Variants in SLC25A36 observed in about 807,000 individuals in gnomAD.
SLC25A36 encodes epididymis secretory sperm binding protein.
In SLC25A36, 24 loss-of-function variants were observed where a neutral mutation model predicts 35.3. The observed-to-expected ratio is 0.68, with a 90% CI of 0.49 to 0.96. The LOEUF is 0.96. SLC25A36 is among the 40% of genes least tolerant of loss of function. The pLI is 0.00. For missense variants in SLC25A36, 294 were observed against 381.1 expected, an observed-to-expected ratio of 0.77 and a Z score of 1.90; for synonymous variants, 141 against 132.2, an observed-to-expected ratio of 1.07 and a Z score of -0.46.
intron 5 of SLC25A36, chr3:140,972,798 A>G (rs953646272): frequency 3.3e-5 from 5 of 152,202 alleles, no homozygotes; most frequent in African/African-American, 7.2e-5. Context: ...CAATCCATTC[A>G]TAAAACTGGT....
In SLC25A36 at chr3:140,973,914, A is replaced by C. The variant is rs772045480; in HGVS notation, c.651A>C (p.Glu217Asp). The change falls in exon 6 of 7, where the codon GAA becomes GAC. Residue 217 changes from glutamate (E) to aspartate (D), a missense_variant. Physicochemically the swap from Glu to Asp is conservative, Grantham distance 45. Transcript: ENST00000324194. The part of the protein sequence containing the change: ...YKTASTMEND[E>D]ESVKEASDFV... The stretch of plus-strand genomic sequence containing the variant: ...CTGCTTCTACAATGGAAAATGATGA[A>C]GAGTCTGTGAAAGAAGCATCAGATT... 1 of 1,612,584 alleles carries C rather than the reference A, an allele frequency of 6.2e-7. No homozygotes were observed. The highest frequency in any genetic ancestry group is 8.5e-7 in the Non-Finnish European group (1 of 1,179,056).
chr3:140,967,792 T>C (rs1934800249), intron 4 of SLC25A36, among the ~76,000 whole-genome samples: 1 of 151,960 alleles, frequency 6.6e-6, no homozygotes. Flanking sequence ...ACCATCCTAC[T>C]AAGAGTATGG....
At position 140,942,016 on chromosome 3, in the gene SLC25A36, C is replaced by T. The variant is rs1344340353; in HGVS notation, c.-39C>T. ...CTGCCGTAGCGGGCGGCCAGATCCGCGTCCCGCCTCAGCGGCCGGAGGACA... is the reference window on the plus strand; with the variant it reads ...CTGCCGTAGCGGGCGGCCAGATCCGTGTCCCGCCTCAGCGGCCGGAGGACA... On this transcript the variant is annotated 5_prime_UTR_variant, in exon 1 of 7. Coordinates refer to ENST00000324194, the MANE Select transcript of SLC25A36 (RefSeq NM_001104647.3). 9 of 1,239,046 alleles carry T rather than the reference C, an allele frequency of 7.3e-6. No individual in the cohort carries two copies. In the South Asian group the frequency reaches 1.2e-4, roughly 16 times the overall value. The allele number at this position is 1,239,046 out of a possible 1,614,324, so 76.8% of individuals were successfully genotyped here. A position where few individuals can be genotyped will look rare whatever the true frequency, so the allele number is the denominator to read the frequency against.
At chr3:140,968,626 A>T in intron 4 of SLC25A36, 1 of 955,818 alleles carries the variant, frequency 1.0e-6, no homozygotes, top group Non-Finnish European at 1.2e-6. Context: ...TCCTAACAAC[A>T]TTTATAAAAA....
At position 140,963,171 on chromosome 3, in the gene SLC25A36, A is replaced by G. The variant is rs1296628190; in HGVS notation, c.329A>G (p.Asn110Ser). Residue 110 changes from asparagine (N) to serine (S), a missense_variant, in exon 4 of 7, where the codon AAT (asparagine) becomes AGT (serine). Asn to Ser is a conservative substitution (Grantham distance 46, BLOSUM62 1). Around this residue, in one of 2 missense-constraint regions of SLC25A36, gnomAD observed 185 missense variants for 201.5 expected, o/e 0.92. Coordinates refer to ENST00000324194, the MANE Select transcript of SLC25A36 (RefSeq NM_001104647.3). ...TATTCAAACTGCAAGGAAAAGTTGA[A>G]TGATGTATTTGATCCTGATTCTACC... ...AAYSNCKEKLNDVFDPDSTQV... is the reference protein window; with the variant it reads ...AAYSNCKEKLSDVFDPDSTQV... 1 of 1,597,784 alleles carries G rather than the reference A, an allele frequency of 6.3e-7. No homozygotes were observed. The highest frequency in any genetic ancestry group is 8.5e-7 in the Non-Finnish European group (1 of 1,176,108).
intron 6 of SLC25A36, among the ~76,000 whole-genome samples, chr3:140,975,202 G>C (rs947346365): frequency 1.5e-5 from 2 of 132,130 alleles, no homozygotes; most frequent in African/African-American, 5.6e-5. Context: ...TGAACTCCAA[G>C]GCTCAATTAA....
intron 4 of SLC25A36, chr3:140,964,330 G>T (rs1039498291): frequency 2.6e-5 from 4 of 151,824 alleles, no homozygotes; most frequent in African/African-American, 9.7e-5. Context: ...AACTGGAAGG[G>T]ACAATCCAAA....
intron 3 of SLC25A36, among the ~76,000 whole-genome samples, chr3:140,960,572 T>C (rs1414695456): frequency 3.9e-5 from 6 of 152,114 alleles, no homozygotes; most frequent in Non-Finnish European, 5.9e-5. Context: ...ACCTGAGAAT[T>C]TGTGTATCGT....
chr3:140,964,878 G>A (rs1934720591), intron 4 of SLC25A36: 1 of 151,698 alleles, frequency 6.6e-6, no homozygotes, highest in Non-Finnish European at 1.5e-5. Context: ...TACTGTATTT[G>A]TATCACATTG....
At chr3:140,945,271 C>T (rs1568337) in intron 1 of SLC25A36, among the ~76,000 whole-genome samples, 44,119 of 152,068 alleles carry the variant, frequency 0.29, 11,295 homozygotes, top group African/African-American at 0.69. Context: ...ACCTTGAAAG[C>T]GTCTACCTCC....
chr3:140,955,364 A>T (rs1169353760), intron 1 of SLC25A36, among the ~76,000 whole-genome samples: 1 of 152,042 alleles, frequency 6.6e-6, no homozygotes. Context: ...AACCTGACTC[A>T]ACTAGCTTTT....
chr3:140,958,660 GA>G (rs1264963725), intron 2 of SLC25A36, among the ~76,000 whole-genome samples: 1 of 152,156 alleles, frequency 6.6e-6, no homozygotes, highest in East Asian at 1.9e-4. Context: ...ATGGAATGGG[GA>G]TGAGATAATA....
intron 6 of SLC25A36, among the ~76,000 whole-genome samples, chr3:140,974,737 T>G (rs941684208): frequency 6.6e-6 from 1 of 152,158 alleles, no homozygotes; most frequent in African/African-American, 2.4e-5. Context: ...ATGTAAGCGC[T>G]TCATTTTTGT....
chr3:140,952,009 T>C (rs1934339620), intron 1 of SLC25A36, among the ~76,000 whole-genome samples: 1 of 148,904 alleles, frequency 6.7e-6, no homozygotes, highest in African/African-American at 2.5e-5. Context: ...GTTTTTTCCT[T>C]TCTTTCTCTC....
intron 3 of SLC25A36, 101 bp downstream of exon 3, chr3:140,959,641 G>T (rs1020830651): frequency 3.9e-6 from 2 of 511,706 alleles, no homozygotes. Context: ...ATTTATAAAT[G>T]TAGTATTCAA....
intron 4 of SLC25A36, chr3:140,970,457 A>T (rs1934872755): frequency 6.5e-6 from 1 of 152,714 alleles, no homozygotes; most frequent in African/African-American, 2.4e-5. Flanking sequence ...ACTAAAGATC[A>T]AACTATTGGT....
intron 1 of SLC25A36, among the ~76,000 whole-genome samples, chr3:140,956,278 G>T (rs1398653631): frequency 6.6e-6 from 1 of 152,164 alleles, no homozygotes; most frequent in Admixed American, 6.5e-5. Context: ...GCACCTATCA[G>T]TTGAAGTGTT....
At chr3:140,950,714 A>G (rs1312672273) in intron 1 of SLC25A36, among the ~76,000 whole-genome samples, 1 of 152,108 alleles carries the variant, frequency 6.6e-6, no homozygotes, top group East Asian at 1.9e-4. Flanking sequence ...TTCCTCTATT[A>G]TGTGACCTTT....
chr3:140,962,804 TA>T (rs1257681801), intron 3 of SLC25A36, among the ~76,000 whole-genome samples: 24 of 152,190 alleles, frequency 1.6e-4, no homozygotes, highest in African/African-American at 2.9e-4. Context: ...ATTTTGTTTT[TA>T]TTTTTTTTTA....
Sources: gnomAD v4.1 joint callset for allele counts (sites outside exome capture counted in the v4.1 genomes callset) on GRCh38, gnomAD v4.1.1 for gene constraint, gnomAD v4.1.1 regional missense constraint, MANE v1.5 for transcripts, NCBI Gene and HGNC (gene_info 2026-07-23, HGNC 2026-07-21) for gene names.